STARD13: variants seen among roughly 807,000 people sequenced by gnomAD.
STARD13 encodes the protein StAR related lipid transfer domain containing 13.
A neutral mutation model predicts 106.4 loss-of-function variants in STARD13; 62 were observed. That is an observed-to-expected ratio of 0.58 (90% CI 0.48 to 0.72). The LOEUF is 0.72. STARD13 is among the 30% of genes least tolerant of loss of function. The probability of loss-of-function intolerance (pLI) is 0.00; values close to 1 mark genes in which losing one functional copy is unlikely to be tolerated. For missense variants in STARD13, 1,387 were observed against 1,424.0 expected, an observed-to-expected ratio of 0.97 and a Z score of 0.42; for synonymous variants, 565 against 553.0, an observed-to-expected ratio of 1.02 and a Z score of -0.31.
chr13:33,271,163 C>T (rs1374905258), intron 1 of STARD13, among the ~76,000 whole-genome samples: 1 of 152,198 alleles, frequency 6.6e-6, no homozygotes, highest in Non-Finnish European at 1.5e-5. Flanking sequence ...CTATTCTGGT[C>T]TACGGGCCTC....
chr13:33,624,943 C>A, the STARD13 span, among the ~76,000 whole-genome samples: 10 of 152,210 alleles, frequency 6.6e-5, no homozygotes, highest in Non-Finnish European at 1.2e-4. Context: ...AGAACAACTG[C>A]AAGCTGTCAG....
the STARD13 span, among the ~76,000 whole-genome samples, chr13:33,655,507 G>A: frequency 6.6e-6 from 1 of 152,018 alleles, no homozygotes; most frequent in Non-Finnish European, 1.5e-5. Context: ...TCCCCTCCCA[G>A]TCCATTCCAG....
intron 1 of STARD13, among the ~76,000 whole-genome samples, chr13:33,298,434 A>G (rs1892586256): frequency 6.6e-6 from 1 of 151,396 alleles, no homozygotes; most frequent in Non-Finnish European, 1.5e-5. Context: ...ACTGTGCCCA[A>G]TCCCCATCTA....
the STARD13 span, among the ~76,000 whole-genome samples, chr13:33,499,525 C>CTTTCT: frequency 8.3e-5 from 3 of 36,168 alleles, no homozygotes; most frequent in African/African-American, 3.0e-4. Context: ...TTTCTTTCTT[C>CTTTCT]TTCTTCTTCT....
intron 1 of STARD13, among the ~76,000 whole-genome samples, chr13:33,211,416 T>C (rs1422765484): frequency 6.6e-6 from 1 of 152,134 alleles, no homozygotes; most frequent in Non-Finnish European, 1.5e-5. Context: ...GTGTGTATCC[T>C]TCCAAACTTA....
At chr13:33,107,073 A>G (rs1873839574) in intron 12 of STARD13, 139 bp from the exon 13 acceptor site, 2 of 738,372 alleles carry the variant, frequency 2.7e-6, no homozygotes, top group Non-Finnish European at 4.4e-6. Flanking sequence ...GGATTAAGCT[A>G]ATGGCTTTCA....
the STARD13 span, among the ~76,000 whole-genome samples, chr13:33,656,091 T>A: frequency 6.6e-6 from 1 of 152,314 alleles, no homozygotes. Context: ...GCTTCATTTT[T>A]CTCCACAGCA....
At chr13:33,126,433 A>G (rs569909768) in intron 6 of STARD13, among the ~76,000 whole-genome samples, 193 bp from the exon 7 acceptor site, 2 of 152,164 alleles carry the variant, frequency 1.3e-5, no homozygotes, top group Non-Finnish European at 2.9e-5. Context: ...TGCTATCTCT[A>G]GCTACTAAAC....
the STARD13 span, among the ~76,000 whole-genome samples, chr13:33,671,541 G>C: frequency 3.9e-5 from 6 of 152,078 alleles, no homozygotes; most frequent in Admixed American, 3.9e-4. Flanking sequence ...ACCGGCCTGG[G>C]CAACATAGCA....
chr13:33,329,655 A>ATGTGTGTGTG (rs34427794), intron 1 of STARD13, among the ~76,000 whole-genome samples: 1 of 144,252 alleles, frequency 6.9e-6, no homozygotes, highest in African/African-American at 2.6e-5. Context: ...GTGTGTGTGT[A>ATGTGTGTGTG]TGTGTGTGTG....
chr13:33,188,487 C>T, intron 1 of STARD13, among the ~76,000 whole-genome samples: 1 of 152,168 alleles, frequency 6.6e-6, no homozygotes, highest in Admixed American at 6.5e-5. Flanking sequence ...TACACACACA[C>T]ACCCACCCAC....
intron 1 of STARD13, among the ~76,000 whole-genome samples, chr13:33,315,354 G>A (rs1489159897): frequency 6.6e-6 from 1 of 152,148 alleles, no homozygotes; most frequent in Non-Finnish European, 1.5e-5. Context: ...CTGAGCATCT[G>A]GTCAATCTCT....
At chr13:33,669,021 T>G in the STARD13 span, among the ~76,000 whole-genome samples, 1 of 152,228 alleles carries the variant, frequency 6.6e-6, no homozygotes, top group African/African-American at 2.4e-5. Flanking sequence ...AGAGAAAAGT[T>G]AAATGCATTT....
chr13:33,429,481 G>C, the STARD13 span, among the ~76,000 whole-genome samples: 1 of 150,548 alleles, frequency 6.6e-6, no homozygotes, highest in Admixed American at 6.6e-5. Flanking sequence ...CCGAGATTGC[G>C]CCACTGCACT....
chr13:33,430,563 C>A, the STARD13 span, among the ~76,000 whole-genome samples: 7 of 152,202 alleles, frequency 4.6e-5, no homozygotes, highest in Non-Finnish European at 7.3e-5. Flanking sequence ...TCCACCAATT[C>A]TACCACTGGA....
At chr13:33,589,901 T>C in the STARD13 span, among the ~76,000 whole-genome samples, 1 of 152,304 alleles carries the variant, frequency 6.6e-6, no homozygotes, top group East Asian at 1.9e-4. Context: ...CAGTGGGGTG[T>C]TAAAGTCTCC....
the STARD13 span, among the ~76,000 whole-genome samples, chr13:33,493,726 A>C: frequency 6.6e-6 from 1 of 152,326 alleles, no homozygotes; most frequent in Admixed American, 6.5e-5. Flanking sequence ...TGTATAAAAC[A>C]ATGCATATCC....
intron 1 of STARD13, among the ~76,000 whole-genome samples, chr13:33,203,199 TG>T (rs1163825239): frequency 1.3e-5 from 2 of 152,170 alleles, no homozygotes; most frequent in African/African-American, 4.8e-5. Context: ...CACACACCTG[TG>T]TTCACAGAAC....
intron 1 of STARD13, among the ~76,000 whole-genome samples, chr13:33,220,249 A>G (rs1216634460): frequency 6.6e-6 from 1 of 152,244 alleles, no homozygotes; most frequent in Non-Finnish European, 1.5e-5. Flanking sequence ...TAATAAGGGA[A>G]TGAATTTCCT....
Sources: allele counts gnomAD v4.1 joint callset (sites outside exome capture counted in the v4.1 genomes callset), GRCh38; gene constraint gnomAD v4.1.1; transcripts MANE v1.5; gene names NCBI Gene and HGNC (gene_info 2026-07-23, HGNC 2026-07-21).